RSPO2: variants seen among roughly 807,000 people sequenced by gnomAD.
The protein encoded by RSPO2 is R-spondin-2.
Under a neutral mutation model 30.9 loss-of-function variants are expected in RSPO2, and 14 were observed. The observed-to-expected ratio is 0.45, with a 90% CI of 0.30 to 0.71. The LOEUF (loss-of-function observed/expected upper bound fraction) is 0.71. Ranked by LOEUF, RSPO2 falls within the 30% of genes least tolerant of loss-of-function variation. The pLI, the probability that RSPO2 is intolerant of heterozygous loss-of-function variation, is 0.08. For missense variants in RSPO2, 264 were observed against 301.9 expected (o/e 0.87, Z 0.93); for synonymous variants, 107 against 96.4 (o/e 1.11, Z -0.64).
Position 107,931,113 on chromosome 8 carries a change from C to T in RSPO2, c.616+26967G>A, listed in dbSNP as rs998830280. 2.0e-5 allele frequency among the ~76,000 whole-genome samples: 3 copies of T among 152,242 alleles called. No homozygotes were observed. The East Asian group carries it at 5.8e-4, about 29-fold the overall frequency. ...ATATGATAGGAAATTAAGCCAATTA[C>T]AAGATGTAAAATTTAAGGTTTAAAC... On this transcript the variant is annotated intron_variant, in intron 5 of 5. Coordinates refer to ENST00000276659, the MANE Select transcript of RSPO2 (RefSeq NM_178565.5).
At chr8:108,059,526 C>A (rs1288799936) in intron 2 of RSPO2, among the ~76,000 whole-genome samples, 1 of 151,378 alleles carries the variant, frequency 6.6e-6, no homozygotes, top group Non-Finnish European at 1.5e-5. Flanking sequence ...GACTATAAAT[C>A]ACGCTGCTAT....
intron 3 of RSPO2, among the ~76,000 whole-genome samples, chr8:107,984,324 C>T (rs1027921769): frequency 6.6e-6 from 1 of 152,204 alleles, no homozygotes; most frequent in African/African-American, 2.4e-5. Flanking sequence ...ATCTATAATG[C>T]CATAAATGAT....
chr8:107,909,325 T>A (rs1039816641), intron 5 of RSPO2, among the ~76,000 whole-genome samples: 6 of 146,166 alleles, frequency 4.1e-5, no homozygotes, highest in Admixed American at 7.2e-5. Flanking sequence ...TGCAGTGGCA[T>A]GATCTTGGTT....
chr8:107,960,908 C>T (rs1813606981), intron 3 of RSPO2, 91 bp from the exon 4 acceptor site: 1 of 946,182 alleles, frequency 1.1e-6, no homozygotes, highest in East Asian at 2.7e-5. Context: ...CACAAGTTAG[C>T]CCATTTGAAA....
intron 2 of RSPO2, among the ~76,000 whole-genome samples, chr8:108,034,177 T>C (rs1053071924): frequency 2.6e-5 from 4 of 151,650 alleles, no homozygotes; most frequent in Admixed American, 6.6e-5. Context: ...ATTTAAGAAA[T>C]CCCATGAGGT....
intron 2 of RSPO2, among the ~76,000 whole-genome samples, chr8:108,073,638 T>G (rs2130729318): frequency 6.6e-6 from 1 of 152,354 alleles, no homozygotes; most frequent in African/African-American, 2.4e-5. Flanking sequence ...CTTAATGAGA[T>G]AAAAGTTAGA....
intron 3 of RSPO2, among the ~76,000 whole-genome samples, chr8:107,977,348 C>T (rs1434726189): frequency 2.0e-5 from 3 of 152,172 alleles, no homozygotes; most frequent in African/African-American, 7.2e-5. Context: ...TGCAAATTCT[C>T]GGGCTCCATC....
At chr8:108,019,916 C>T (rs970852534) in intron 2 of RSPO2, among the ~76,000 whole-genome samples, 2 of 152,138 alleles carry the variant, frequency 1.3e-5, no homozygotes, top group African/African-American at 4.8e-5. Flanking sequence ...TTACTAGTGG[C>T]TGCTCTTCCT....
At chr8:107,935,637 T>C (rs1563528271) in intron 5 of RSPO2, among the ~76,000 whole-genome samples, 2 of 152,082 alleles carry the variant, frequency 1.3e-5, no homozygotes, top group Non-Finnish European at 2.9e-5. Context: ...CCTTCATGCT[T>C]CATGAATAAA....
chr8:107,939,067 G>T (rs537767821), intron 5 of RSPO2, among the ~76,000 whole-genome samples: 7 of 152,258 alleles, frequency 4.6e-5, no homozygotes, highest in African/African-American at 1.7e-4. Flanking sequence ...TACAAAAGAT[G>T]AGGAAAGGGA....
intron 5 of RSPO2, among the ~76,000 whole-genome samples, chr8:107,914,895 CTCA>C (rs1284898992): frequency 3.3e-5 from 5 of 152,096 alleles, no homozygotes; most frequent in Non-Finnish European, 5.9e-5. Flanking sequence ...ATGCCCAGGG[CTCA>C]TCATCTAAAT....
chr8:108,061,448 A>C (rs1812460914), intron 2 of RSPO2, among the ~76,000 whole-genome samples: 1 of 151,880 alleles, frequency 6.6e-6, no homozygotes, highest in African/African-American at 2.4e-5. Flanking sequence ...AGGCCATTAC[A>C]TCATGGTAAA....
At chr8:107,911,439 A>G (rs2130274671) in intron 5 of RSPO2, among the ~76,000 whole-genome samples, 1 of 152,318 alleles carries the variant, frequency 6.6e-6, no homozygotes. Flanking sequence ...GATTCAAAGC[A>G]GAGTTATGCC....
chr8:108,012,476 T>C (rs1489032316), intron 2 of RSPO2, among the ~76,000 whole-genome samples: 1 of 152,226 alleles, frequency 6.6e-6, no homozygotes, highest in African/African-American at 2.4e-5. Context: ...ACGGATAATC[T>C]GCACCCAAAA....
chr8:108,056,639 A>AAAAAG (rs1164317812), intron 2 of RSPO2, among the ~76,000 whole-genome samples: 11 of 149,138 alleles, frequency 7.4e-5, no homozygotes, highest in Non-Finnish European at 1.0e-4. Flanking sequence ...AAAAAAAAAA[A>AAAAAG]AAAAGAAAAG....
chr8:108,062,710 G>A (rs1812511762), intron 2 of RSPO2, among the ~76,000 whole-genome samples: 1 of 151,758 alleles, frequency 6.6e-6, no homozygotes, highest in African/African-American at 2.4e-5. Flanking sequence ...TGATATCAAA[G>A]TCTGGCAGAG....
intron 2 of RSPO2, among the ~76,000 whole-genome samples, chr8:108,036,896 G>T (rs955716832): frequency 1.3e-5 from 2 of 151,956 alleles, no homozygotes; most frequent in Non-Finnish European, 2.9e-5. Flanking sequence ...ATTGTTTTGG[G>T]GCACCAAAAA....
intron 2 of RSPO2, among the ~76,000 whole-genome samples, chr8:108,079,241 T>C (rs575189478): frequency 6.6e-6 from 1 of 152,306 alleles, no homozygotes; most frequent in South Asian, 2.1e-4. Flanking sequence ...GTCTCCCCTC[T>C]AAAAGATATT....
intron 2 of RSPO2, among the ~76,000 whole-genome samples, chr8:108,081,697 C>T (rs1165357713): frequency 6.6e-6 from 1 of 152,064 alleles, no homozygotes; most frequent in African/African-American, 2.4e-5. Context: ...TTCCCCGAAA[C>T]CTTTCTGGAG....
Sources: gnomAD v4.1 joint callset for allele counts (sites outside exome capture counted in the v4.1 genomes callset) on GRCh38, gnomAD v4.1.1 for gene constraint, MANE v1.5 for transcripts, NCBI Gene and HGNC (gene_info 2026-07-23, HGNC 2026-07-21) for gene names.